The following EEF1AKMT2 variants were observed in gnomAD, a reference collection of about 807,000 sequenced individuals.
The protein encoded by EEF1AKMT2 is eukaryotic translation elongation factor 1 alpha lysine methyltransferase 2.
Under a neutral mutation model 35.8 loss-of-function variants are expected in EEF1AKMT2, and 32 were observed. The ratio of observed to expected loss-of-function variants is 0.89; its 90% CI spans 0.67 to 1.20. EEF1AKMT2 has a LOEUF of 1.20. EEF1AKMT2 is among the 50% of genes most tolerant of loss of function. The pLI is 0.00. For synonymous variants in EEF1AKMT2, 121 were observed against 133.7 expected (o/e 0.91, Z 0.65); for missense variants, 330 against 347.5 (o/e 0.95, Z 0.40).
intron 4 of EEF1AKMT2, among the ~76,000 whole-genome samples, chr10:124,768,821 T>C (rs1176030404): frequency 6.6e-6 from 1 of 151,752 alleles, no homozygotes; most frequent in African/African-American, 2.4e-5. Context: ...TGAGTGGAAA[T>C]GGAGGGGCAA....
intron 3 of EEF1AKMT2, among the ~76,000 whole-genome samples, chr10:124,775,550 T>C (rs1950480970): frequency 6.6e-6 from 1 of 152,226 alleles, no homozygotes; most frequent in East Asian, 1.9e-4. Flanking sequence ...ACAAAGTAAG[T>C]TACAAAGTAC....
At chr10:124,782,334 G>C (rs1950547076) in intron 3 of EEF1AKMT2, among the ~76,000 whole-genome samples, 1 of 152,022 alleles carries the variant, frequency 6.6e-6, no homozygotes, top group African/African-American at 2.4e-5. Context: ...TGTAATCCCA[G>C]CACTTTGGGA....
intron 3 of EEF1AKMT2, among the ~76,000 whole-genome samples, chr10:124,784,795 G>T (rs1325825558): frequency 1.3e-5 from 2 of 151,992 alleles, no homozygotes; most frequent in Admixed American, 6.6e-5. Context: ...GCGGGGCATG[G>T]TGACACACAC....
intron 4 of EEF1AKMT2, among the ~76,000 whole-genome samples, chr10:124,769,600 T>C (rs527655401): frequency 2.6e-5 from 4 of 152,310 alleles, no homozygotes; most frequent in Admixed American, 2.0e-4. Flanking sequence ...AGAAGTTATG[T>C]TTACACTGTA....
rs1044033191 is a variant in EEF1AKMT2, at chr10:124,783,372, G to C, written c.291+5671C>G. ...ATGGCCAGGGTGGTCTCAAACTGCT[G>C]ACCTCAAGTGATCCACCGGCCTTGG... On this transcript the variant is annotated intron_variant, in intron 3 of 6. Transcript: ENST00000368836. Among the ~76,000 whole-genome samples, 21 of 152,062 alleles carry C rather than the reference G, an allele frequency of 1.4e-4. 1 individual carries two copies. The highest frequency in any genetic ancestry group is 4.8e-4 in the African/African-American group (20 of 41,426).
downstream of EEF1AKMT2, among the ~76,000 whole-genome samples, chr10:124,757,170 AC>A (rs1296356578): frequency 1.3e-5 from 1 of 75,134 alleles, no homozygotes; most frequent in Non-Finnish European, 3.0e-5. Flanking sequence ...TCCCTCCCAC[AC>A]ACACACACAC....
intron 4 of EEF1AKMT2, among the ~76,000 whole-genome samples, chr10:124,767,209 T>C (rs1463558163): frequency 2.1e-5 from 3 of 143,858 alleles, no homozygotes; most frequent in African/African-American, 7.8e-5. Context: ...AAAAGGTCCC[T>C]GTATGAAAAC....
Position 124,790,270 on chromosome 10 carries a change from C to A in EEF1AKMT2, c.176+3G>T. On this transcript the variant is annotated splice_donor_region_variant and intron_variant, in intron 2 of 6. Transcript: ENST00000368836. ...TTATAACTTGATTCTTTTCCTAACTCACCAGATTTCACCTGTATCTCCATA... is the reference window on the plus strand; with the variant it reads ...TTATAACTTGATTCTTTTCCTAACTAACCAGATTTCACCTGTATCTCCATA... The A allele has an allele frequency of 6.2e-7, 1 of 1,600,504 alleles. No homozygotes were observed. The highest frequency in any genetic ancestry group is 8.6e-7 in the Non-Finnish European group (1 of 1,167,642).
At chr10:124,789,846 G>C (rs975202284) in intron 2 of EEF1AKMT2, among the ~76,000 whole-genome samples, 2 of 151,488 alleles carry the variant, frequency 1.3e-5, no homozygotes, top group Admixed American at 1.3e-4. Flanking sequence ...ACTTAATCCA[G>C]GGTTCCCAGG....
At chr10:124,769,099 TC>T (rs1053839494) in intron 4 of EEF1AKMT2, among the ~76,000 whole-genome samples, 1 of 149,754 alleles carries the variant, frequency 6.7e-6, no homozygotes, top group African/African-American at 2.5e-5. Context: ...AGGCCTGTAG[TC>T]CCAGCTACTC....
chr10:124,783,711 C>T (rs1950562282), intron 3 of EEF1AKMT2, among the ~76,000 whole-genome samples: 1 of 152,216 alleles, frequency 6.6e-6, no homozygotes, highest in African/African-American at 2.4e-5. Context: ...GTGGCATAAT[C>T]ATGGCTCACT....
At position 124,791,884 on chromosome 10, in the gene EEF1AKMT2, A is replaced by T. The variant is rs981984147; in HGVS notation, c.-51T>A. 6.6e-6 allele frequency: 10 copies of T among 1,514,022 alleles called. No individual in the cohort carries two copies. The African/African-American group carries it at 1.3e-4, about 19-fold the overall frequency. The allele number at this position is 1,514,022 out of a possible 1,614,324, so 93.8% of individuals were successfully genotyped here. On this transcript the variant is annotated 5_prime_UTR_variant, in exon 1 of 7. Transcript: ENST00000368836. ...TGGGGCCGCCATAGAGACGGGGCAC[A>T]GGCAGAGCGGACGAGCGGACCGGCG...
At chr10:124,771,901 TC>T (rs1380128000) in intron 4 of EEF1AKMT2, among the ~76,000 whole-genome samples, 1 of 152,090 alleles carries the variant, frequency 6.6e-6, no homozygotes, top group Non-Finnish European at 1.5e-5. Context: ...CTTATATATC[TC>T]CATCAGAGCT....
chr10:124,762,145 T>TA (rs1401375261), intron 6 of EEF1AKMT2, among the ~76,000 whole-genome samples, 155 bp downstream of exon 6: 14 of 152,242 alleles, frequency 9.2e-5, no homozygotes, highest in African/African-American at 2.9e-4. Flanking sequence ...ATCCCAGCCT[T>TA]AAGCTACTAA....
At chr10:124,769,839 C>T (rs1589782617) in intron 4 of EEF1AKMT2, among the ~76,000 whole-genome samples, 2 of 149,840 alleles carry the variant, frequency 1.3e-5, no homozygotes, top group Admixed American at 1.3e-4. Flanking sequence ...CCCAGCTACT[C>T]GGAGGCTGAG....
chr10:124,764,303 C>CAAAAAAAAA (rs71893253), intron 5 of EEF1AKMT2, among the ~76,000 whole-genome samples: 1 of 127,576 alleles, frequency 7.8e-6, no homozygotes. Flanking sequence ...AGTGCAGGAT[C>CAAAAAAAAA]AAAAAAAAAA....
chr10:124,771,921 A>C (rs557963317), intron 4 of EEF1AKMT2, among the ~76,000 whole-genome samples: 1 of 152,278 alleles, frequency 6.6e-6, no homozygotes, highest in South Asian at 2.1e-4. Flanking sequence ...CTCTTGGGTG[A>C]ATTCATGCAT....
At chr10:124,757,397 C>T (rs1950295170), downstream of EEF1AKMT2, among the ~76,000 whole-genome samples, 1 of 152,116 alleles carries the variant, frequency 6.6e-6, no homozygotes, top group African/African-American at 2.4e-5. Flanking sequence ...GACAGAGACA[C>T]ACACACATAC....
At chr10:124,776,889 T>TA (rs66606133) in intron 3 of EEF1AKMT2, among the ~76,000 whole-genome samples, 13 of 151,632 alleles carry the variant, frequency 8.6e-5, no homozygotes, top group African/African-American at 2.7e-4. Context: ...CAGCAAAAAA[T>TA]AAAAAAAAAA....
Sources: allele counts gnomAD v4.1 joint callset (sites outside exome capture counted in the v4.1 genomes callset), GRCh38; gene constraint gnomAD v4.1.1; transcripts MANE v1.5; gene names NCBI Gene and HGNC (gene_info 2026-07-23, HGNC 2026-07-21).